Variants in CSMD1 observed in about 807,000 individuals in gnomAD.
CSMD1 encodes the protein CUB and Sushi multiple domains 1.
CSMD1 carries 213 observed loss-of-function variants against 417.5 expected under a neutral mutation model. The observed-to-expected ratio is 0.51, with a 90% CI of 0.46 to 0.57. The LOEUF is 0.57. Among genes scored for constraint, CSMD1 ranks in the 20% least tolerant of loss-of-function variants. CSMD1 has a pLI of 0.00. For synonymous variants in CSMD1, 2,862 were observed against 1,736.8 expected, an observed-to-expected ratio of 1.65 and a Z score of -16.11; for missense variants, 6,923 against 4,529.7, an observed-to-expected ratio of 1.53 and a Z score of -15.17.
At chr8:4,934,030 G>A (rs1021993172) in intron 1 of CSMD1, among the ~76,000 whole-genome samples, 2 of 151,878 alleles carry the variant, frequency 1.3e-5, no homozygotes, top group Non-Finnish European at 2.9e-5. Flanking sequence ...AGGTTTTGAT[G>A]ATGAGATAAA....
intron 3 of CSMD1, among the ~76,000 whole-genome samples, chr8:4,068,312 G>A (rs576574945): frequency 6.6e-6 from 1 of 152,168 alleles, no homozygotes; most frequent in Non-Finnish European, 1.5e-5. Context: ...TGTATTGCGG[G>A]AGAGCTGTGA....
At chr8:3,024,771 C>G (rs6996018) in intron 51 of CSMD1, among the ~76,000 whole-genome samples, 3,066 of 152,232 alleles carry the variant, frequency 0.02, 101 homozygotes, top group African/African-American at 0.069. Context: ...CAATATTTGT[C>G]CCAAGTAAAT....
At chr8:4,814,822 CA>C (rs1799115114) in intron 1 of CSMD1, among the ~76,000 whole-genome samples, 1 of 151,958 alleles carries the variant, frequency 6.6e-6, no homozygotes, top group African/African-American at 2.4e-5. Flanking sequence ...TAAGGTACCC[CA>C]AAATTATAAT....
intron 3 of CSMD1, among the ~76,000 whole-genome samples, chr8:4,178,894 A>G (rs576259181): frequency 8.5e-5 from 13 of 152,320 alleles, no homozygotes; most frequent in Admixed American, 3.9e-4. Context: ...CTCTTCAAGG[A>G]GAACTACAAA....
intron 5 of CSMD1, among the ~76,000 whole-genome samples, chr8:3,771,815 C>T (rs1322121102): frequency 6.6e-6 from 1 of 152,078 alleles, no homozygotes; most frequent in Non-Finnish European, 1.5e-5. Context: ...TACTATGAGG[C>T]AGAATGATCC....
At chr8:4,480,186 AC>A (rs1225339285) in intron 2 of CSMD1, among the ~76,000 whole-genome samples, 1 of 131,920 alleles carries the variant, frequency 7.6e-6, no homozygotes, top group African/African-American at 3.3e-5. Flanking sequence ...TTGTTATCTC[AC>A]AAAAAAAAAA....
At chr8:3,713,540 T>G (rs1229747779) in intron 6 of CSMD1, among the ~76,000 whole-genome samples, 1 of 152,036 alleles carries the variant, frequency 6.6e-6, no homozygotes, top group East Asian at 1.9e-4. Flanking sequence ...TCTGCCTTCC[T>G]CAAGATCCAC....
intron 1 of CSMD1, among the ~76,000 whole-genome samples, chr8:4,754,558 A>T (rs370539841): frequency 7.2e-6 from 1 of 138,548 alleles, no homozygotes; most frequent in East Asian, 2.0e-4. Context: ...TTTTTTTTTT[A>T]AAGCCAAGTA....
chr8:3,989,176 C>T (rs1287182142), intron 5 of CSMD1, among the ~76,000 whole-genome samples: 1 of 152,166 alleles, frequency 6.6e-6, no homozygotes, highest in Non-Finnish European at 1.5e-5. Flanking sequence ...TGCTCATTTG[C>T]TCTAGTTAGC....
At chr8:3,817,186 A>C (rs7821381) in intron 5 of CSMD1, among the ~76,000 whole-genome samples, 1 of 145,552 alleles carries the variant, frequency 6.9e-6, no homozygotes, top group African/African-American at 2.5e-5. Flanking sequence ...CCCCTCCCCA[A>C]TGAAAATGGT....
chr8:4,349,719 A>C (rs769938249), intron 3 of CSMD1, among the ~76,000 whole-genome samples: 1 of 152,186 alleles, frequency 6.6e-6, no homozygotes, highest in Non-Finnish European at 1.5e-5. Context: ...ATCATCAGTT[A>C]CAAGATCATT....
chr8:3,312,020 AGTTT>A (rs1173389672), intron 23 of CSMD1, among the ~76,000 whole-genome samples: 2 of 152,230 alleles, frequency 1.3e-5, no homozygotes, highest in Non-Finnish European at 2.9e-5. Flanking sequence ...TTTTAAAATT[AGTTT>A]AAGAAGAAAC....
intron 5 of CSMD1, among the ~76,000 whole-genome samples, chr8:3,786,095 G>A (rs964410755): frequency 6.6e-6 from 1 of 152,142 alleles, no homozygotes; most frequent in African/African-American, 2.4e-5. Context: ...GACTGGGTGT[G>A]AGGCGTGTAG....
intron 6 of CSMD1, among the ~76,000 whole-genome samples, chr8:3,733,985 T>C (rs1006308487): frequency 4.6e-5 from 7 of 152,220 alleles, no homozygotes; most frequent in South Asian, 2.1e-4. Flanking sequence ...AAGGGGGGGA[T>C]GTCTGTACGT....
At chr8:4,168,146 TACACACACACAC>T (rs34184056) in intron 3 of CSMD1, among the ~76,000 whole-genome samples, 22 of 149,504 alleles carry the variant, frequency 1.5e-4, no homozygotes, top group African/African-American at 5.2e-4. Flanking sequence ...AAAAAAAATA[TACACACACACAC>T]ACACACACAC....
At chr8:4,694,678 A>G (rs182568868) in intron 1 of CSMD1, among the ~76,000 whole-genome samples, 3 of 152,154 alleles carry the variant, frequency 2.0e-5, no homozygotes, top group Non-Finnish European at 2.9e-5. Flanking sequence ...TACTTCCTAG[A>G]TACATTGATT....
At chr8:4,390,664 C>A (rs1296545996) in intron 3 of CSMD1, among the ~76,000 whole-genome samples, 2 of 152,092 alleles carry the variant, frequency 1.3e-5, no homozygotes, top group African/African-American at 2.4e-5. Context: ...CAGGCACCCC[C>A]CACCACGCCC....
At chr8:4,031,835 T>G in intron 4 of CSMD1, 70 bp downstream of exon 4, 2 of 1,218,512 alleles carry the variant, frequency 1.6e-6, no homozygotes, top group Non-Finnish European at 2.2e-6. Flanking sequence ...GTGGAAACTT[T>G]CATAAAAGCA....
intron 1 of CSMD1, among the ~76,000 whole-genome samples, chr8:4,742,453 T>C (rs542683086): frequency 1.3e-5 from 2 of 152,280 alleles, no homozygotes; most frequent in South Asian, 2.1e-4. Context: ...TTAGAGGTAT[T>C]TGGTGTTTAC....
Sources: allele counts gnomAD v4.1 joint callset (sites outside exome capture counted in the v4.1 genomes callset), GRCh38; gene constraint gnomAD v4.1.1; transcripts MANE v1.5; gene names NCBI Gene and HGNC (gene_info 2026-07-23, HGNC 2026-07-21).